MROH2A: variants seen among roughly 807,000 people sequenced by gnomAD.
MROH2A encodes the protein maestro heat-like repeat-containing protein family member 2A.
In MROH2A, 174 loss-of-function variants were observed where a neutral mutation model predicts 200.4. The ratio of observed to expected loss-of-function variants is 0.87; its 90% CI spans 0.77 to 0.98. The LOEUF is 0.98. MROH2A is among the 50% of genes least tolerant of loss of function. The pLI is 0.00. For synonymous variants in MROH2A, 829 were observed against 840.4 expected (o/e 0.99, Z 0.23); for missense variants, 2,045 against 2,139.6 (o/e 0.96, Z 0.87).
At chr2:233,813,995 C>G (rs1703346272) in intron 25 of MROH2A, among the ~76,000 whole-genome samples, 1 of 152,152 alleles carries the variant, frequency 6.6e-6, no homozygotes, top group Non-Finnish European at 1.5e-5. Context: ...ATTTATCACC[C>G]AAGTCAAGTC....
Position 233,828,850 on chromosome 2 carries a change from G to C in MROH2A, c.4264-40G>C. 1 of 1,549,892 alleles carries C rather than the reference G, an allele frequency of 6.5e-7. No homozygotes were observed. The highest frequency in any genetic ancestry group is 1.2e-5 in the South Asian group (1 of 84,002). ...AGGCCGGGTGCCCTGGTCAGCCTGG[G>C]AGGGAGGGTGCAGGCTGAGGGCTGC... On this transcript the variant is annotated intron_variant, in intron 36 of 41. Coordinates refer to ENST00000389758, the MANE Select transcript of MROH2A (RefSeq NM_001394639.1). The surrounding 1 kb of genome is among the most constrained non-coding windows in gnomAD (Gnocchi z 4.6).
chr2:233,793,110 G>A (rs891536181), intron 6 of MROH2A, among the ~76,000 whole-genome samples: 2 of 152,170 alleles, frequency 1.3e-5, no homozygotes, highest in African/African-American at 2.4e-5. Flanking sequence ...GAAGATCCCG[G>A]CTTAGAGGGA....
At position 233,786,282 on chromosome 2, in the gene MROH2A, G is replaced by A. The variant is rs377663399; in HGVS notation, c.277-3215G>A. 2.4e-4 allele frequency among the ~76,000 whole-genome samples: 37 copies of A among 152,306 alleles called. No homozygotes were observed. In the East Asian group the frequency reaches 4.2e-3, roughly 17 times the overall value. On this transcript the variant is annotated intron_variant, in intron 3 of 41. Transcript: ENST00000389758. Reference sequence around the variant, plus strand: ...TCAGGTATGTTTGCATTAGCAATGCGAGAACAGACTAATACAAGGTGCCAG... The same window carrying A: ...TCAGGTATGTTTGCATTAGCAATGCAAGAACAGACTAATACAAGGTGCCAG...
chr2:233,822,359 G>A lies in MROH2A; in HGVS notation c.3673-4G>A. ...GCCCGATGCCCTGGACCTTCTCTCT[G>A]CAGACCCTGTGCACCATCCACCTTC... On this transcript the variant is annotated splice_polypyrimidine_tract_variant and splice_region_variant and intron_variant, in intron 32 of 41. Coordinates refer to ENST00000389758, the MANE Select transcript of MROH2A (RefSeq NM_001394639.1). 1.3e-6 allele frequency: 2 copies of A among 1,550,570 alleles called. No individual in the cohort carries two copies. Among genetic ancestry groups the A allele is most frequent in the Admixed American group, 2.0e-5 (1 of 51,012 alleles).
In MROH2A at chr2:233,831,670, C is replaced by T. The variant is rs1040396906; in HGVS notation, c.4734+130C>T. On this transcript the variant is annotated intron_variant, in intron 39 of 41. Transcript: ENST00000389758. ...CCTTCCACACATGCCATGTCGAGAC[C>T]GGCACTGTGCAGCAGAAATAGAAGG... 37 of 1,006,912 alleles carry T rather than the reference C, an allele frequency of 3.7e-5. No individual in the cohort carries two copies. The Admixed American group carries it at 7.0e-4, about 19-fold the overall frequency. 62.4% of individuals were successfully genotyped at this position (1,006,912 alleles called of 1,614,324 possible). A position where few individuals can be genotyped will look rare whatever the true frequency, so the allele number is the denominator to read the frequency against.
chr2:233,798,610 G>A (rs1289633550), intron 11 of MROH2A, among the ~76,000 whole-genome samples, 164 bp from the exon 12 acceptor site: 1 of 152,230 alleles, frequency 6.6e-6, no homozygotes, highest in Non-Finnish European at 1.5e-5. Flanking sequence ...CAACAGAGGG[G>A]AGGGAGATGG....
intron 30 of MROH2A, 81 bp from the exon 31 acceptor site, chr2:233,819,821 G>T: frequency 7.1e-7 from 1 of 1,401,312 alleles, no homozygotes. Context: ...AGAGCCCTTA[G>T]AGCAGGGGCA....
intron 13 of MROH2A, 131 bp from the exon 14 acceptor site, chr2:233,800,074 T>A (rs2041652): frequency 1.8e-6 from 2 of 1,082,586 alleles, no homozygotes; most frequent in African/African-American, 1.6e-5. Context: ...CCTAGATATA[T>A]GCACAGCTCT....
At chr2:233,830,018 G>A (rs1704614882) in intron 38 of MROH2A, among the ~76,000 whole-genome samples, 1 of 152,078 alleles carries the variant, frequency 6.6e-6, no homozygotes, top group Non-Finnish European at 1.5e-5. Context: ...CCCGTGTCGG[G>A]GGACATGGTG....
chr2:233,818,248 A>C (rs1364774771), intron 28 of MROH2A, 123 bp downstream of exon 28: 1 of 1,210,194 alleles, frequency 8.3e-7, no homozygotes, highest in East Asian at 2.6e-5. Flanking sequence ...GCATGGAGAC[A>C]AACACAGGTG....
intron 27 of MROH2A, 66 bp from the exon 28 acceptor site, chr2:233,817,936 C>T (rs1463758995): frequency 6.5e-7 from 1 of 1,537,226 alleles, no homozygotes; most frequent in Non-Finnish European, 8.8e-7. Context: ...TTTACACTGC[C>T]CCTGGGCAGC....
chr2:233,784,550 T>C (rs1701099347), intron 3 of MROH2A, among the ~76,000 whole-genome samples: 1 of 151,942 alleles, frequency 6.6e-6, no homozygotes, highest in South Asian at 2.1e-4. Flanking sequence ...GAGGGAGGTG[T>C]TCGGGTCATG....
At chr2:233,808,633 C>T (rs997647435) in intron 21 of MROH2A, among the ~76,000 whole-genome samples, 5 of 152,180 alleles carry the variant, frequency 3.3e-5, no homozygotes, top group Non-Finnish European at 7.4e-5. Flanking sequence ...GGCCCCTGCT[C>T]CCCATCCACA....
intron 39 of MROH2A, 123 bp from the exon 40 acceptor site, chr2:233,832,054 T>G (rs1432831023): frequency 4.1e-6 from 3 of 730,468 alleles, no homozygotes; most frequent in African/African-American, 1.8e-5. Flanking sequence ...ACCTGCTGTG[T>G]GACGCTGGGA....
At chr2:233,813,372 C>T (rs1165546342) in intron 24 of MROH2A, among the ~76,000 whole-genome samples, 9 of 152,160 alleles carry the variant, frequency 5.9e-5, no homozygotes, top group Admixed American at 1.3e-4. Context: ...TAGTTGCAGT[C>T]GGCAAGGAGC....
intron 23 of MROH2A, 62 bp downstream of exon 23, chr2:233,810,978 TGA>T: frequency 2.0e-6 from 3 of 1,530,392 alleles, no homozygotes; most frequent in South Asian, 2.4e-5. Flanking sequence ...CTCCCTGCGG[TGA>T]GAGGTTTTCA....
At chr2:233,795,482 G>A in intron 8 of MROH2A, 171 bp from the exon 9 acceptor site, 2 of 1,037,866 alleles carry the variant, frequency 1.9e-6, no homozygotes, top group Non-Finnish European at 2.8e-6. Flanking sequence ...TGGGTGAAAT[G>A]CAGGCTTGGA....
In MROH2A at chr2:233,807,414, C is replaced by G. The variant is rs1702870912; in HGVS notation, c.2053-9C>G. ...GGCCTGAGCTCCTTCCTCCCTTCTG[C>G]CTCTCCAGGGCTTTCTGTACCGGGC... On this transcript the variant is annotated splice_polypyrimidine_tract_variant and intron_variant, in intron 19 of 41. Coordinates refer to ENST00000389758, the MANE Select transcript of MROH2A (RefSeq NM_001394639.1). The surrounding 1 kb of genome is among the most constrained non-coding windows in gnomAD (Gnocchi z 4.3). 3 of 1,547,628 alleles carry G rather than the reference C, an allele frequency of 1.9e-6. No individual in the cohort carries two copies. The African/African-American group carries it at 4.1e-5, about 21-fold the overall frequency.
chr2:233,800,039 A>C lies in MROH2A; in HGVS notation c.1449+140A>C. On this transcript the variant is annotated intron_variant, in intron 13 of 41. Transcript: ENST00000389758. ...TGACAGGAGTTCATAGACACAGTGA[A>C]CCTGCAGGTGACAATGTGTGGGGTC... 4 of 1,239,926 alleles carry C rather than the reference A, an allele frequency of 3.2e-6. No individual in the cohort carries two copies. The Admixed American group carries it at 8.8e-5, about 27-fold the overall frequency. The allele number at this position is 1,239,926 out of a possible 1,614,324, so 76.8% of individuals were successfully genotyped here. A position where few individuals can be genotyped will look rare whatever the true frequency, so the allele number is the denominator to read the frequency against.
Sources: gnomAD v4.1 joint callset for allele counts (sites outside exome capture counted in the v4.1 genomes callset) on GRCh38, gnomAD v4.1.1 for gene constraint, Gnocchi (gnomAD v3.1) non-coding constraint, MANE v1.5 for transcripts, NCBI Gene and HGNC (gene_info 2026-07-23, HGNC 2026-07-21) for gene names.